Variants in CHD1 observed in about 807,000 individuals in gnomAD.
CHD1 encodes the protein ATP-dependent chromatin remodeler CHD1.
CHD1 carries 36 observed loss-of-function variants against 224.2 expected under a neutral mutation model. That is an observed-to-expected ratio of 0.16 (90% CI 0.12 to 0.21). The LOEUF is 0.21. Among genes scored for constraint, CHD1 ranks in the 10% least tolerant of loss-of-function variants. The pLI, the probability that CHD1 is intolerant of heterozygous loss-of-function variation, is 1.00. For synonymous variants in CHD1, 668 were observed against 658.3 expected (o/e 1.01, Z -0.23); for missense variants, 1,378 against 1,994.8 (o/e 0.69, Z 5.89).
intron 15 of CHD1, among the ~76,000 whole-genome samples, chr5:98,892,285 G>A (rs1163965555): frequency 6.6e-6 from 1 of 152,068 alleles, no homozygotes; most frequent in East Asian, 1.9e-4. Flanking sequence ...ATGATATATA[G>A]GAAAGCAATT....
chr5:98,911,835 GA>G (rs1258710843), intron 2 of CHD1, among the ~76,000 whole-genome samples: 8 of 152,216 alleles, frequency 5.3e-5, no homozygotes, highest in Admixed American at 2.0e-4. Flanking sequence ...AAAGAAAGAG[GA>G]ACTGTCCAGA....
At chr5:98,883,571 T>C (rs757186748) in intron 18 of CHD1, among the ~76,000 whole-genome samples, 2 of 151,776 alleles carry the variant, frequency 1.3e-5, no homozygotes, top group Non-Finnish European at 2.9e-5. Flanking sequence ...GAACTAAAAG[T>C]AGAACTACCA....
chr5:98,897,166 T>A (rs1289974113), intron 11 of CHD1, 27 bp downstream of exon 11: 5 of 1,598,524 alleles, frequency 3.1e-6, no homozygotes, highest in Non-Finnish European at 4.3e-6. Flanking sequence ...TCTGTCAAAT[T>A]AAATAGATGA....
rs556869144 is a variant in CHD1, at chr5:98,909,290, C to T, written c.54-4192G>A. 9.9e-5 allele frequency among the ~76,000 whole-genome samples: 15 copies of T among 152,136 alleles called. No homozygotes were observed. In the South Asian group the frequency reaches 2.1e-3, roughly 21 times the overall value. On this transcript the variant is annotated intron_variant, in intron 2 of 35. Coordinates refer to ENST00000614616, the MANE Select transcript of CHD1 (RefSeq NM_001270.4). ...TTATCATTTAACATATTTTTCTATCCCTTGTATTTCTTATAAACTGGCTAT... is the reference window on the plus strand; with the variant it reads ...TTATCATTTAACATATTTTTCTATCTCTTGTATTTCTTATAAACTGGCTAT...
In CHD1 at chr5:98,898,280, T is replaced by A; in HGVS notation, c.1341A>T (p.Lys447Asn). The change falls in exon 10 of 36, where the codon AAA becomes AAT. Residue 447 changes from lysine (K) to asparagine (N), a missense_variant. This residue lies in a region of CHD1 where 86 missense variants were observed against 97.7 expected (regional missense o/e 0.88). Transcript: ENST00000614616. ...CTTTGCAATCTTTAAAAGGAGTGGT[T>A]TTTGATTGGTTCCTGCTAAAATACT... ...IDEYFSRNQSKTTPFKDCKVL... is the reference protein window; with the variant it reads ...IDEYFSRNQSNTTPFKDCKVL... 6.5e-7 allele frequency: 1 copy of A among 1,540,476 alleles called. No homozygotes were observed. The highest frequency in any genetic ancestry group is 8.7e-7 in the Non-Finnish European group (1 of 1,146,110).
chr5:98,898,876 G>A (rs1001325811), intron 8 of CHD1, 112 bp from the exon 9 acceptor site: 10 of 665,708 alleles, frequency 1.5e-5, no homozygotes, highest in African/African-American at 3.6e-5. Flanking sequence ...GCCACTGTGT[G>A]GGCCAAGTTT....
chr5:98,910,554 T>C (rs1752322446), intron 2 of CHD1, among the ~76,000 whole-genome samples: 1 of 152,114 alleles, frequency 6.6e-6, no homozygotes, highest in Non-Finnish European at 1.5e-5. Flanking sequence ...GAAGTTCAGC[T>C]TCCATTCTTG....
chr5:98,879,831 T>C (rs865898985), intron 22 of CHD1, 103 bp from the exon 23 acceptor site: 7 of 689,260 alleles, frequency 1.0e-5, no homozygotes, highest in Admixed American at 6.1e-5. Context: ...ATAATGAACA[T>C]GGCTGTGGAC....
intron 2 of CHD1, among the ~76,000 whole-genome samples, chr5:98,923,498 C>T (rs1289220624): frequency 7.3e-5 from 11 of 151,408 alleles, no homozygotes; most frequent in African/African-American, 2.7e-4. Context: ...CTCACTGCAA[C>T]CTCCGTCTGC....
In CHD1 at chr5:98,856,224, G is replaced by A. The variant is rs1748009162; in HGVS notation, c.*156C>T. Reference sequence around the variant, plus strand: ...TAAATATAAAAATATTTTCTCTTCTGTTGGGATAATAGACCTTGCATCCTG... The same window carrying A: ...TAAATATAAAAATATTTTCTCTTCTATTGGGATAATAGACCTTGCATCCTG... On this transcript the variant is annotated 3_prime_UTR_variant, in exon 36 of 36. Coordinates refer to ENST00000614616, the MANE Select transcript of CHD1 (RefSeq NM_001270.4). The A allele has an allele frequency of 3.4e-6, 2 of 593,126 alleles. No individual in the cohort carries two copies. Among genetic ancestry groups the A allele is most frequent in the South Asian group, 4.3e-5 (2 of 45,980 alleles). The allele number at this position is 593,126 out of a possible 1,614,324, so 36.7% of individuals were successfully genotyped here.
rs771286539 is a variant in CHD1, at chr5:98,868,484, C to G, written c.4248+11G>C. 16 of 1,601,090 alleles carry G rather than the reference C, an allele frequency of 1.0e-5. No homozygotes were observed. Among genetic ancestry groups the G allele is most frequent in the Middle Eastern group, 3.3e-4 (2 of 6,050 alleles). Reference sequence around the variant, plus strand: ...GAGTTAATACTAATAATCAGAAAGTCTAAGGCTTACAATGCTGAATGTCTT... The same window carrying G: ...GAGTTAATACTAATAATCAGAAAGTGTAAGGCTTACAATGCTGAATGTCTT... On this transcript the variant is annotated intron_variant, in intron 31 of 35. Transcript: ENST00000614616.
In CHD1 at chr5:98,888,187, G is replaced by A. The variant is rs149265645; in HGVS notation, c.2397C>T (p.Arg799=). The change falls in exon 17 of 36, where the codon CGC becomes CGT. Residue 799 remains arginine, a synonymous_variant. Transcript: ENST00000614616. ...KLILLDKLLI[R]LRERGNRVLI... is the part of the protein sequence containing the mutation. ...GAACTCGATTGCCTCGTTCTCTTAG[G>A]CGAATTAATAGCTTGTCAAGAAGAA... The A allele has an allele frequency of 6.2e-6, 10 of 1,611,078 alleles. No homozygotes were observed. Among genetic ancestry groups the A allele is most frequent in the Non-Finnish European group, 8.5e-6 (10 of 1,178,296 alleles).
At position 98,856,396 on chromosome 5, in the gene CHD1, C is replaced by T. The variant is rs1291129005; in HGVS notation, c.5117G>A (p.Ser1706Asn). The change falls in exon 36 of 36, where the codon AGT becomes AAT. Residue 1706 changes from serine (S) to asparagine (N), a missense_variant. Physicochemically the swap from Ser to Asn is conservative, Grantham distance 46. Around this residue, in one of 16 missense-constraint regions of CHD1, gnomAD observed 278 missense variants for 298.5 expected, o/e 0.93. Coordinates refer to ENST00000614616, the MANE Select transcript of CHD1 (RefSeq NM_001270.4). The part of the protein sequence containing the change: ...EHKSTPEHTW[S>N]SRKT Reference sequence around the variant, plus strand: ...CAGTTTTTGTTATGTTTTCCGACTACTCCAGGTATGCTCCGGTGTACTTTT... The same window carrying T: ...CAGTTTTTGTTATGTTTTCCGACTATTCCAGGTATGCTCCGGTGTACTTTT... 3 of 1,611,908 alleles carry T rather than the reference C, an allele frequency of 1.9e-6. No homozygotes were observed. Among genetic ancestry groups the T allele is most frequent in the Admixed American group, 1.7e-5 (1 of 59,962 alleles).
intron 5 of CHD1, among the ~76,000 whole-genome samples, chr5:98,902,184 A>C (rs1325390806): frequency 6.6e-6 from 1 of 152,100 alleles, no homozygotes; most frequent in Non-Finnish European, 1.5e-5. Context: ...TAATAGGAGG[A>C]CCAGAGAGAT....
At position 98,879,535 on chromosome 5, in the gene CHD1, T is replaced by C. The variant is rs533844236; in HGVS notation, c.3237+17A>G. ...TACTCTTACTTTATAGAAATATCTTTAAAATTGCAAAATCACCTGTTTTGC... is the reference window on the plus strand; with the variant it reads ...TACTCTTACTTTATAGAAATATCTTCAAAATTGCAAAATCACCTGTTTTGC... On this transcript the variant is annotated intron_variant, in intron 23 of 35. Coordinates refer to ENST00000614616, the MANE Select transcript of CHD1 (RefSeq NM_001270.4). 6.3e-7 allele frequency: 1 copy of C among 1,578,058 alleles called. No homozygotes were observed. The highest frequency in any genetic ancestry group is 1.2e-5 in the South Asian group (1 of 83,922).
intron 14 of CHD1, 52 bp from the exon 15 acceptor site, chr5:98,892,765 T>G: frequency 7.7e-7 from 1 of 1,302,468 alleles, no homozygotes; most frequent in Admixed American, 2.4e-5. Flanking sequence ...AAATTGTGTA[T>G]GTTGTGTATG....
chr5:98,858,371 C>T lies in CHD1; in HGVS notation c.4596G>A (p.Glu1532=). ...IRNPDVERLK[E]NTNHDDSSRD... is the part of the protein sequence containing the mutation. ...TGCTGCTATCATCGTGATTTGTATTCTCTTTTAATCTTTCCACATCTGTTA... is the reference window on the plus strand; with the variant it reads ...TGCTGCTATCATCGTGATTTGTATTTTCTTTTAATCTTTCCACATCTGTTA... Residue 1532 remains glutamate (E), a synonymous_variant, in exon 35 of 36, where the codon GAG becomes GAA. Coordinates refer to ENST00000614616, the MANE Select transcript of CHD1 (RefSeq NM_001270.4). 6.2e-7 allele frequency: 1 copy of T among 1,612,204 alleles called. No homozygotes were observed. Among genetic ancestry groups the T allele is most frequent in the Non-Finnish European group, 8.5e-7 (1 of 1,178,570 alleles).
At chr5:98,904,858 A>G (rs773687925) in intron 3 of CHD1, 39 bp downstream of exon 3, 12 of 1,590,218 alleles carry the variant, frequency 7.5e-6, no homozygotes, top group African/African-American at 1.3e-5. Context: ...CCAAAGTAAT[A>G]CAAGCAATCT....
At chr5:98,908,676 T>C (rs1239780077) in intron 2 of CHD1, among the ~76,000 whole-genome samples, 2 of 152,186 alleles carry the variant, frequency 1.3e-5, no homozygotes, top group African/African-American at 2.4e-5. Flanking sequence ...TTTATAAAAC[T>C]GAAATATCTG....
Sources: gnomAD v4.1 joint callset for allele counts (sites outside exome capture counted in the v4.1 genomes callset) on GRCh38, gnomAD v4.1.1 for gene constraint, gnomAD v4.1.1 regional missense constraint, MANE v1.5 for transcripts, NCBI Gene and HGNC (gene_info 2026-07-23, HGNC 2026-07-21) for gene names.